Variants in CSMD1 observed in about 807,000 individuals in gnomAD.
The protein encoded by CSMD1 is CUB and Sushi multiple domains 1, also known as CUB and sushi domain-containing protein 1.
CSMD1 carries 213 observed loss-of-function variants against 417.5 expected under a neutral mutation model. The ratio of observed to expected loss-of-function variants is 0.51; its 90% CI spans 0.46 to 0.57. The LOEUF (loss-of-function observed/expected upper bound fraction) is 0.57, where lower values mean the gene tolerates loss of function less well. Ranked by LOEUF, CSMD1 falls within the 20% of genes least tolerant of loss-of-function variation. CSMD1 has a pLI of 0.00. For synonymous variants in CSMD1, 2,862 were observed against 1,736.8 expected (o/e 1.65, Z -16.11); for missense variants, 6,923 against 4,529.7 (o/e 1.53, Z -15.17).
chr8:3,233,331 C>T (rs1036073363), intron 26 of CSMD1, among the ~76,000 whole-genome samples: 3 of 152,170 alleles, frequency 2.0e-5, no homozygotes, highest in Admixed American at 2.0e-4. Flanking sequence ...CTGGCATGCT[C>T]AGCCCCTCGC....
At chr8:3,102,040 G>A (rs887128272) in intron 46 of CSMD1, among the ~76,000 whole-genome samples, 1 of 152,154 alleles carries the variant, frequency 6.6e-6, no homozygotes, top group South Asian at 2.1e-4. Flanking sequence ...GACCTCAGGT[G>A]ATCCTCCCAC....
At chr8:4,109,519 G>A (rs12334807) in intron 3 of CSMD1, among the ~76,000 whole-genome samples, 1 of 152,080 alleles carries the variant, frequency 6.6e-6, no homozygotes, top group South Asian at 2.1e-4. Context: ...TAGACTTATT[G>A]TCAGTAGTCA....
chr8:4,489,532 T>C (rs1801591279), intron 2 of CSMD1, among the ~76,000 whole-genome samples: 1 of 152,168 alleles, frequency 6.6e-6, no homozygotes, highest in African/African-American at 2.4e-5. Flanking sequence ...TTACTCTCAA[T>C]GATTGTGTGG....
At chr8:4,530,155 T>C (rs992301112) in intron 2 of CSMD1, among the ~76,000 whole-genome samples, 10 of 151,726 alleles carry the variant, frequency 6.6e-5, no homozygotes, top group Non-Finnish European at 1.5e-4. Flanking sequence ...CCTTGTGATC[T>C]GCCCACCTCA....
At chr8:3,796,889 C>G (rs1800184296) in intron 5 of CSMD1, among the ~76,000 whole-genome samples, 1 of 151,640 alleles carries the variant, frequency 6.6e-6, no homozygotes. Flanking sequence ...GGAAATTCCT[C>G]ACGGTTCTGC....
intron 2 of CSMD1, among the ~76,000 whole-genome samples, chr8:4,522,795 G>C (rs1225702657): frequency 1.3e-5 from 2 of 152,206 alleles, no homozygotes; most frequent in Middle Eastern, 6.8e-3. Flanking sequence ...GATGTGGCAA[G>C]GACTGCAGAA....
At position 3,190,019 on chromosome 8, in the gene CSMD1, C is replaced by A; in HGVS notation, c.5291G>T (p.Arg1764Leu). Residue 1764 changes from arginine to leucine, a missense_variant, in exon 34 of 70, where the codon CGA becomes CTA. By Grantham distance (102) the Arg-to-Leu change is moderately radical (BLOSUM62 -2). Coordinates refer to ENST00000635120, the MANE Select transcript of CSMD1 (RefSeq NM_033225.6). ...GSEFSAGSIV[R>L]FECNPGYLLQ... is the part of the protein sequence containing the mutation. ...CAGGTATCCCGGGTTGCACTCGAAT[C>A]GGACGATGGAGCCGGCAGAAAACTC... The A allele has an allele frequency of 1.3e-6, 2 of 1,596,296 alleles. No individual in the cohort carries two copies. Among genetic ancestry groups the A allele is most frequent in the South Asian group, 1.1e-5 (1 of 87,534 alleles).
At chr8:3,026,226 T>G (rs1224437424) in intron 51 of CSMD1, among the ~76,000 whole-genome samples, 1 of 151,984 alleles carries the variant, frequency 6.6e-6, no homozygotes, top group Non-Finnish European at 1.5e-5. Context: ...AGGAGCTTAG[T>G]ATTTCCCCAT....
At chr8:3,863,962 T>C (rs1286380331) in intron 5 of CSMD1, among the ~76,000 whole-genome samples, 1 of 152,170 alleles carries the variant, frequency 6.6e-6, no homozygotes, top group African/African-American at 2.4e-5. Context: ...GTCTGATTCT[T>C]TTTCCTGAGG....
At chr8:4,155,337 G>T (rs752702754) in intron 3 of CSMD1, among the ~76,000 whole-genome samples, 40 of 152,170 alleles carry the variant, frequency 2.6e-4, no homozygotes, top group Non-Finnish European at 2.9e-4. Context: ...TCACCTGCAT[G>T]ACTCCCGCAG....
intron 2 of CSMD1, among the ~76,000 whole-genome samples, chr8:4,517,031 C>A (rs542514118): frequency 2.0e-5 from 3 of 152,234 alleles, no homozygotes; most frequent in South Asian, 4.1e-4. Context: ...ATTTGGAAGA[C>A]TAATTATTTA....
chr8:4,944,394 A>C (rs1159012303), intron 1 of CSMD1, among the ~76,000 whole-genome samples: 1 of 152,216 alleles, frequency 6.6e-6, no homozygotes, highest in Non-Finnish European at 1.5e-5. Context: ...CACACTATTC[A>C]GATGGTTGTA....
At chr8:3,019,761 T>C (rs1324725139) in intron 51 of CSMD1, among the ~76,000 whole-genome samples, 1 of 152,232 alleles carries the variant, frequency 6.6e-6, no homozygotes, top group Non-Finnish European at 1.5e-5. Context: ...CCTCATTATA[T>C]ATTCTTACTA....
intron 7 of CSMD1, among the ~76,000 whole-genome samples, chr8:3,653,064 C>G (rs1797938657): frequency 6.6e-6 from 1 of 152,120 alleles, no homozygotes; most frequent in African/African-American, 2.4e-5. Flanking sequence ...AAACAGCACT[C>G]AGTAAAGACT....
intron 8 of CSMD1, among the ~76,000 whole-genome samples, chr8:3,610,598 C>T (rs1801843971): frequency 6.6e-6 from 1 of 152,168 alleles, no homozygotes; most frequent in South Asian, 2.1e-4. Flanking sequence ...TGCCCATGAT[C>T]ACTACACAAT....
intron 4 of CSMD1, among the ~76,000 whole-genome samples, chr8:4,028,644 A>C (rs1481741785): frequency 6.6e-6 from 1 of 152,240 alleles, no homozygotes; most frequent in Non-Finnish European, 1.5e-5. Flanking sequence ...ATTAAAAGCC[A>C]GACTTGTGTT....
intron 2 of CSMD1, among the ~76,000 whole-genome samples, chr8:4,478,011 G>A (rs1018932705): frequency 3.3e-5 from 5 of 152,164 alleles, no homozygotes; most frequent in African/African-American, 1.2e-4. Flanking sequence ...CGGGAACTCA[G>A]TGAATTCTAC....
intron 1 of CSMD1, among the ~76,000 whole-genome samples, chr8:4,738,957 G>A (rs561365580): frequency 6.8e-6 from 1 of 146,142 alleles, no homozygotes; most frequent in African/African-American, 2.5e-5. Context: ...ATTTTGAAGG[G>A]CTTGAATAAT....
intron 54 of CSMD1, among the ~76,000 whole-genome samples, chr8:2,989,679 A>C (rs1014665913): frequency 2.6e-5 from 4 of 152,206 alleles, no homozygotes; most frequent in African/African-American, 9.6e-5. Flanking sequence ...AATGATGAAT[A>C]AATATGAGGT....
Sources: allele counts gnomAD v4.1 joint callset (sites outside exome capture counted in the v4.1 genomes callset), GRCh38; gene constraint gnomAD v4.1.1; transcripts MANE v1.5; gene names NCBI Gene and HGNC (gene_info 2026-07-23, HGNC 2026-07-21).